Variants in SKIC3 observed in about 807,000 individuals in gnomAD.
The protein encoded by SKIC3 is superkiller complex protein 3.
chr5:95,512,589 C>A, the SKIC3 span: 1 of 1,613,838 alleles, frequency 6.2e-7, no homozygotes, highest in Non-Finnish European at 8.5e-7. Context: ...TTGTGCAGAC[C>A]CAATACGCAT....
At chr5:95,502,529 GAAGAA>G in the SKIC3 span, among the ~76,000 whole-genome samples, 2 of 152,142 alleles carry the variant, frequency 1.3e-5, no homozygotes, top group Non-Finnish European at 2.9e-5. Flanking sequence ...GAAAAGGAAA[GAAGAA>G]AATATCTCTT....
the SKIC3 span, chr5:95,464,754 C>CACTT: frequency 3.4e-5 from 41 of 1,217,660 alleles, no homozygotes; most frequent in African/African-American, 4.9e-4. Context: ...TCATTGAAGC[C>CACTT]AAGTAATCCA....
chr5:95,466,270 C>A, the SKIC3 span, among the ~76,000 whole-genome samples: 1 of 152,176 alleles, frequency 6.6e-6, no homozygotes, highest in Admixed American at 6.5e-5. Context: ...GAAACTGTCA[C>A]ATGTATTTTA....
At chr5:95,503,059 A>G in the SKIC3 span, 1 of 1,607,138 alleles carries the variant, frequency 6.2e-7, no homozygotes, top group East Asian at 2.2e-5. Context: ...CTGATTGATG[A>G]AGCATGGGAT....
the SKIC3 span, among the ~76,000 whole-genome samples, chr5:95,494,098 A>C: frequency 6.6e-6 from 1 of 152,150 alleles, no homozygotes; most frequent in Non-Finnish European, 1.5e-5. Context: ...CTATAGGTAA[A>C]ACTCTTTAAA....
chr5:95,537,570 G>C, the SKIC3 span, among the ~76,000 whole-genome samples: 1 of 152,070 alleles, frequency 6.6e-6, no homozygotes, highest in Admixed American at 6.5e-5. Flanking sequence ...TTATAAAGTT[G>C]GGTGATACTT....
At chr5:95,483,245 G>A in the SKIC3 span, among the ~76,000 whole-genome samples, 1 of 151,918 alleles carries the variant, frequency 6.6e-6, no homozygotes, top group South Asian at 2.1e-4. Context: ...TTATATATAT[G>A]AAGAATTTCT....
At chr5:95,520,881 TCAAATAAA>T in the SKIC3 span, 2 of 1,192,576 alleles carry the variant, frequency 1.7e-6, no homozygotes, top group South Asian at 2.5e-5. Flanking sequence ...AAAATGAACT[TCAAATAAA>T]GTTATTGGTG....
At chr5:95,478,257 T>C in the SKIC3 span, 6 of 1,610,384 alleles carry the variant, frequency 3.7e-6, no homozygotes, top group South Asian at 3.3e-5. Context: ...AAAAAATCAA[T>C]TTTTCATGAT....
At chr5:95,486,563 C>T in the SKIC3 span, among the ~76,000 whole-genome samples, 1 of 152,196 alleles carries the variant, frequency 6.6e-6, no homozygotes, top group South Asian at 2.1e-4. Flanking sequence ...GGCCCGCATG[C>T]ACCACCAGGG....
the SKIC3 span, among the ~76,000 whole-genome samples, chr5:95,473,564 C>T: frequency 6.6e-6 from 1 of 152,178 alleles, no homozygotes; most frequent in Non-Finnish European, 1.5e-5. Context: ...GCATAAGCCA[C>T]CACATCCAGC....
At chr5:95,509,736 T>C in the SKIC3 span, 1 of 1,217,654 alleles carries the variant, frequency 8.2e-7, no homozygotes, top group South Asian at 1.2e-5. Flanking sequence ...CTGATGGTAT[T>C]AACAAAATAT....
the SKIC3 span, among the ~76,000 whole-genome samples, chr5:95,465,248 G>C: frequency 6.6e-6 from 1 of 152,010 alleles, no homozygotes; most frequent in African/African-American, 2.4e-5. Flanking sequence ...ATCGTTATTA[G>C]CACTGCATAA....
chr5:95,468,351 A>G, the SKIC3 span, among the ~76,000 whole-genome samples: 1 of 152,206 alleles, frequency 6.6e-6, no homozygotes, highest in Non-Finnish European at 1.5e-5. Flanking sequence ...TCTACCTCCA[A>G]TCTTTTTGAA....
the SKIC3 span, among the ~76,000 whole-genome samples, chr5:95,522,506 A>C: frequency 6.6e-6 from 1 of 152,120 alleles, no homozygotes; most frequent in Non-Finnish European, 1.5e-5. Context: ...TTTCAGAATA[A>C]GAATAAAATG....
At chr5:95,467,731 C>G in the SKIC3 span, 17 of 1,266,900 alleles carry the variant, frequency 1.3e-5, no homozygotes, top group South Asian at 2.5e-4. Flanking sequence ...CAAAAAATTA[C>G]ACACTCAGTT....
At chr5:95,482,613 C>A in the SKIC3 span, 1 of 1,613,744 alleles carries the variant, frequency 6.2e-7, no homozygotes, top group African/African-American at 1.3e-5. Context: ...GCTGGCTGAT[C>A]AGGGTTACTT....
the SKIC3 span, among the ~76,000 whole-genome samples, chr5:95,504,760 G>A: frequency 1.3e-5 from 2 of 152,094 alleles, no homozygotes; most frequent in Non-Finnish European, 2.9e-5. Flanking sequence ...CAGCACTTTG[G>A]GAGGCCAAGA....
chr5:95,517,045 T>C, the SKIC3 span: 12 of 1,613,574 alleles, frequency 7.4e-6, no homozygotes, highest in Admixed American at 1.7e-4. Flanking sequence ...TCAGTTTTAA[T>C]GCACGACCAT....
Sources: gnomAD v4.1 joint callset for allele counts (sites outside exome capture counted in the v4.1 genomes callset) on GRCh38, gnomAD v4.1.1 for gene constraint, MANE v1.5 for transcripts, NCBI Gene and HGNC (gene_info 2026-07-23, HGNC 2026-07-21) for gene names.